Variants in SCAMP3 observed in about 807,000 individuals in gnomAD.
SCAMP3 encodes the protein secretory carrier membrane protein 3.
SCAMP3 carries 30 observed loss-of-function variants against 44.1 expected under a neutral mutation model. The observed-to-expected ratio is 0.68, with a 90% confidence interval of 0.51 to 0.92. The LOEUF (loss-of-function observed/expected upper bound fraction) is 0.92, where lower values mean the gene tolerates loss of function less well. SCAMP3 is among the 40% of genes least tolerant of loss of function. The pLI is 0.00. For missense variants in SCAMP3, 394 were observed against 440.0 expected (o/e 0.90, Z 0.93); for synonymous variants, 168 against 171.1 (o/e 0.98, Z 0.14).
intron 7 of SCAMP3, 148 bp from the exon 8 acceptor site, chr1:155,256,939 T>A: frequency 3.1e-6 from 2 of 649,870 alleles, no homozygotes; most frequent in Non-Finnish European, 5.5e-6. Context: ...CCAAACTGTA[T>A]CTAATCTCTT....
chr1:155,260,021 G>A (rs1438317843), intron 4 of SCAMP3, among the ~76,000 whole-genome samples: 1 of 149,854 alleles, frequency 6.7e-6, no homozygotes, highest in Admixed American at 6.7e-5. Flanking sequence ...GCGCTATCTC[G>A]GCTCACTGCA....
In SCAMP3 at chr1:155,258,641, A is replaced by T. The variant is rs1672869831; in HGVS notation, c.517+185T>A. 3 of 589,304 alleles carry T rather than the reference A, an allele frequency of 5.1e-6. No individual in the cohort carries two copies. In the East Asian group the frequency reaches 8.9e-5, roughly 17 times the overall value. The allele number at this position is 589,304 out of a possible 1,614,324, so 36.5% of individuals were successfully genotyped here. On this transcript the variant is annotated intron_variant, in intron 5 of 8. Coordinates refer to ENST00000302631, the MANE Select transcript of SCAMP3 (RefSeq NM_005698.4). ...GTATACCACTGCACCCAGCCCAAAG[A>T]CATCTAAAGAATTCAAAATATATTC...
intron 1 of SCAMP3, 163 bp downstream of exon 1, chr1:155,261,923 G>T: frequency 1.2e-6 from 1 of 819,788 alleles, no homozygotes; most frequent in Non-Finnish European, 2.0e-6. Context: ...TAAGGGGCAG[G>T]GCCCGCCCCC....
At position 155,257,318 on chromosome 1, in the gene SCAMP3, A is replaced by T. The variant is rs1672828986; in HGVS notation, c.746T>A (p.Leu249His). Reference protein sequence around the residue: ...IFFVQDVLFVLQAIGIPGWGF... With the variant: ...IFFVQDVLFVHQAIGIPGWGF... ...CCAACCTGGGATACCAATGGCCTGG[A>T]GGACAAAGAGCACATCCTGGACGAA... The change falls in exon 7 of 9, where the codon CTC becomes CAC. Residue 249 changes from leucine to histidine, a missense_variant. Transcript: ENST00000302631. 1.9e-6 allele frequency: 3 copies of T among 1,613,950 alleles called. No individual in the cohort carries two copies. Among genetic ancestry groups the T allele is most frequent in the Non-Finnish European group, 1.7e-6 (2 of 1,179,786 alleles).
chr1:155,262,305 T>C lies in SCAMP3; in HGVS notation c.-154A>G. 3 of 672,968 alleles carry C rather than the reference T, an allele frequency of 4.5e-6. No individual in the cohort carries two copies. The highest frequency in any genetic ancestry group is 7.4e-6 in the Non-Finnish European group (3 of 406,214). 41.7% of individuals were successfully genotyped at this position (672,968 alleles called of 1,614,324 possible). A position where few individuals can be genotyped will look rare whatever the true frequency, so the allele number is the denominator to read the frequency against. On this transcript the variant is annotated 5_prime_UTR_variant, in exon 1 of 9. Coordinates refer to ENST00000302631, the MANE Select transcript of SCAMP3 (RefSeq NM_005698.4). ...CCACCGACCGGAAGGGCCACAAGGA[T>C]CCCCGCAGCAGCCGTGGGTTGCGCC...
rs1189072356 is a variant in SCAMP3 at position 155,258,393 on chromosome 1, A to G, written c.517+433T>C. ...CTCTTGTTGCCCAGGCTGGAGTGCA[A>G]TGGCATGATCTTGGCTCATTGCAAC... On this transcript the variant is annotated intron_variant, in intron 5 of 8. Transcript: ENST00000302631. 3.5e-4 allele frequency among the ~76,000 whole-genome samples: 47 copies of G among 133,994 alleles called. 1 individual carries two copies. The highest frequency in any genetic ancestry group is 1.3e-3 in the African/African-American group (47 of 36,180). The allele number at this position is 133,994 out of a possible 152,430, so 87.9% of individuals were successfully genotyped here.
chr1:155,261,975 C>T (rs993950277), intron 1 of SCAMP3, 111 bp downstream of exon 1: 3 of 1,125,384 alleles, frequency 2.7e-6, no homozygotes, highest in Admixed American at 2.1e-5. Flanking sequence ...CCCCACGTGG[C>T]GGCTCTTCCC....
rs181983707 is a variant in SCAMP3, at chr1:155,256,660, G to A, written c.897+14C>T. 78 of 1,609,272 alleles carry A rather than the reference G, an allele frequency of 4.8e-5. No individual in the cohort carries two copies. The highest frequency in any genetic ancestry group is 1.7e-4 in the Admixed American group (10 of 60,004). The stretch of plus-strand genomic sequence containing the variant: ...ATCTCACCATCCCGGCCCCACCTTC[G>A]ACACAGCCCTCACCCGTTTCAGCAT... On this transcript the variant is annotated intron_variant, in intron 8 of 8. Transcript: ENST00000302631.
chr1:155,258,144 T>A (rs1475945412), intron 5 of SCAMP3, among the ~76,000 whole-genome samples: 4 of 149,392 alleles, frequency 2.7e-5, no homozygotes, highest in African/African-American at 9.8e-5. Flanking sequence ...CTCAGCCTCC[T>A]AAGTAGCTGG....
At chr1:155,261,422 G>C (rs911257797) in intron 2 of SCAMP3, 8 of 569,900 alleles carry the variant, frequency 1.4e-5, no homozygotes, top group Admixed American at 3.0e-5. Context: ...TTAAGGCCTT[G>C]CCAGCCTCCA....
In SCAMP3 at chr1:155,257,504, GC is replaced by G; in HGVS notation, c.670del (p.Ala224LeufsTer69). 1 of 1,613,512 alleles carries G rather than the reference GC, an allele frequency of 6.2e-7. No individual in the cohort carries two copies. Among genetic ancestry groups the G allele is most frequent in the Non-Finnish European group, 8.5e-7 (1 of 1,179,706 alleles). On this transcript the variant is annotated frameshift_variant, in exon 6 of 9. Transcript: ENST00000302631. LOFTEE classifies it high-confidence loss of function. ...CCACCACTAACACACTTACCGGAAAGCCTTATACATGGGGCGGTACCAGCAG... is the reference window on the plus strand; with the variant it reads ...CCACCACTAACACACTTACCGGAAAGCTTATACATGGGGCGGTACCAGCAG... ...FVCWYRPMYK[A>X]FRSDSSFNFF...
intron 4 of SCAMP3, among the ~76,000 whole-genome samples, chr1:155,260,095 G>A (rs1049082132): frequency 2.6e-5 from 4 of 152,030 alleles, no homozygotes; most frequent in Non-Finnish European, 4.4e-5. Flanking sequence ...GGGACTACAG[G>A]TGCGCGCCAC....
chr1:155,259,261 G>A (rs1040355271), intron 4 of SCAMP3, among the ~76,000 whole-genome samples: 4 of 147,420 alleles, frequency 2.7e-5, no homozygotes, highest in African/African-American at 5.0e-5. Flanking sequence ...TGCAATCTCC[G>A]CCTCCCGGGT....
chr1:155,262,134 G>A lies in SCAMP3; in HGVS notation c.18C>T (p.Asp6=). 4 of 1,613,934 alleles carry A rather than the reference G, an allele frequency of 2.5e-6. No individual in the cohort carries two copies. Among genetic ancestry groups the A allele is most frequent in the Non-Finnish European group, 3.4e-6 (4 of 1,180,014 alleles). MAQSR[D]GGNPFAEPSE... ...TGGGCTCGGCGAACGGGTTTCCGCC[G>A]TCTCTGCTCTGAGCCATGTTTGCAA... is the stretch of plus-strand genomic sequence containing the variant. The change falls in exon 1 of 9, where the codon GAC becomes GAT. Residue 6 remains aspartate, a synonymous_variant. Coordinates refer to ENST00000302631, the MANE Select transcript of SCAMP3 (RefSeq NM_005698.4).
Position 155,256,142 on chromosome 1 carries a change from C to T in SCAMP3, c.*131G>A. On this transcript the variant is annotated 3_prime_UTR_variant, in exon 9 of 9. Coordinates refer to ENST00000302631, the MANE Select transcript of SCAMP3 (RefSeq NM_005698.4). Reference sequence around the variant, plus strand: ...CCACACGCCTGTCAGGTTCAGCAGTCATGGCCATAGGATTGGGAGCACTAC... The same window carrying T: ...CCACACGCCTGTCAGGTTCAGCAGTTATGGCCATAGGATTGGGAGCACTAC... 1.1e-6 allele frequency: 1 copy of T among 934,628 alleles called. No homozygotes were observed. Among genetic ancestry groups the T allele is most frequent in the Non-Finnish European group, 1.6e-6 (1 of 632,104 alleles). The allele number at this position is 934,628 out of a possible 1,614,324, so 57.9% of individuals were successfully genotyped here.
chr1:155,256,887 G>GT (rs1672815552), intron 7 of SCAMP3, 96 bp from the exon 8 acceptor site: 1 of 878,588 alleles, frequency 1.1e-6, no homozygotes, highest in Non-Finnish European at 1.9e-6. Context: ...CCCATCAGCA[G>GT]TGGCTCCCTG....
intron 2 of SCAMP3, chr1:155,261,410 G>C (rs143603776): frequency 1.8e-4 from 98 of 557,160 alleles, no homozygotes; most frequent in African/African-American, 1.7e-3. Context: ...ACAGAACATT[G>C]GTTAAGGCCT....
intron 4 of SCAMP3, among the ~76,000 whole-genome samples, chr1:155,259,546 T>TTGGAGGCAGGATCTCACTA (rs1364829484): frequency 1.3e-5 from 2 of 152,040 alleles, no homozygotes; most frequent in Non-Finnish European, 2.9e-5. Flanking sequence ...CATTAATGTT[T>TTGGAGGCAGGATCTCACTA]TGGAGGCAGG....
chr1:155,261,868 C>T (rs1672974673), intron 1 of SCAMP3, 134 bp from the exon 2 acceptor site: 2 of 883,684 alleles, frequency 2.3e-6, no homozygotes, highest in Non-Finnish European at 3.6e-6. Context: ...ACTGGGACAA[C>T]ATTTACCTCA....
Sources: allele counts gnomAD v4.1 joint callset (sites outside exome capture counted in the v4.1 genomes callset), GRCh38; gene constraint gnomAD v4.1.1; transcripts MANE v1.5; gene names NCBI Gene and HGNC (gene_info 2026-07-23, HGNC 2026-07-21).